TTL: variants seen among roughly 807,000 people sequenced by gnomAD.
The protein encoded by TTL is tubulin tyrosine ligase.
In TTL, 10 loss-of-function variants were observed where a neutral mutation model predicts 41.1. The observed-to-expected ratio is 0.24, with a 90% CI of 0.15 to 0.41. The LOEUF (loss-of-function observed/expected upper bound fraction) is 0.41, where lower values mean the gene tolerates loss of function less well. TTL is among the 10% of genes least tolerant of loss of function. The probability of loss-of-function intolerance (pLI) is 1.00; values close to 1 mark genes in which losing one functional copy is unlikely to be tolerated. For missense variants in TTL, 367 were observed against 460.4 expected, an observed-to-expected ratio of 0.80 and a Z score of 1.86; for synonymous variants, 175 against 175.5, an observed-to-expected ratio of 1.00 and a Z score of 0.02.
At chr2:112,512,265 A>ATT (rs752568110) in intron 5 of TTL, among the ~76,000 whole-genome samples, 2 of 123,656 alleles carry the variant, frequency 1.6e-5, no homozygotes, top group Non-Finnish European at 1.7e-5. Flanking sequence ...CTAATTTTGT[A>ATT]TTTTTTTTTT....
chr2:112,495,105 C>T (rs577105081), intron 3 of TTL, among the ~76,000 whole-genome samples: 4 of 152,320 alleles, frequency 2.6e-5, no homozygotes, highest in African/African-American at 9.6e-5. Flanking sequence ...TTGCTCTCTG[C>T]ACTGTAGACA....
intron 5 of TTL, among the ~76,000 whole-genome samples, chr2:112,510,598 T>C (rs1681896674): frequency 6.6e-6 from 1 of 151,802 alleles, no homozygotes; most frequent in African/African-American, 2.4e-5. Context: ...CAGCCTCCCG[T>C]GTAGCTGGGA....
In TTL at chr2:112,485,985, T is replaced by G. The variant is rs138231883; in HGVS notation, c.226T>G (p.Ser76Ala). The G allele has an allele frequency of 2.5e-6, 4 of 1,614,114 alleles. No homozygotes were observed. Among genetic ancestry groups the G allele is most frequent in the Non-Finnish European group, 3.4e-6 (4 of 1,180,044 alleles). The change falls in exon 2 of 7, where the codon TCT becomes GCT. Residue 76 changes from serine (S) to alanine (A), a missense_variant. Transcript: ENST00000233336. The part of the protein sequence containing the change: ...RGADKLCRKA[S>A]LVKLIKTSPE... ...TGCTGACAAACTGTGTCGCAAAGCT[T>G]CTTTAGTGAAGTAAGTGTTAAGACC...
At chr2:112,495,021 C>T (rs1681490507) in intron 3 of TTL, among the ~76,000 whole-genome samples, 1 of 152,204 alleles carries the variant, frequency 6.6e-6, no homozygotes, top group African/African-American at 2.4e-5. Flanking sequence ...GAATGAACTC[C>T]GGATTCCTAA....
intron 6 of TTL, among the ~76,000 whole-genome samples, chr2:112,524,645 T>C (rs1197387319): frequency 6.6e-5 from 10 of 152,126 alleles, no homozygotes; most frequent in Admixed American, 6.6e-4. Flanking sequence ...GGTTGTTTGA[T>C]TTTTTCTTGT....
At chr2:112,512,727 T>C (rs1361270433) in intron 5 of TTL, among the ~76,000 whole-genome samples, 2 of 152,200 alleles carry the variant, frequency 1.3e-5, no homozygotes, top group Non-Finnish European at 2.9e-5. Context: ...AATATGATAA[T>C]CATTGTCATT....
rs979940123 is a variant in TTL at position 112,541,728 on chromosome 2, G to C, written c.*12933G>C. 2.5e-5 allele frequency: 6 copies of C among 238,526 alleles called. No homozygotes were observed. The highest frequency in any genetic ancestry group is 5.0e-5 in the Non-Finnish European group (6 of 118,904). 14.8% of individuals were successfully genotyped at this position (238,526 alleles called of 1,614,324 possible). Reference sequence around the variant, plus strand: ...AGCTGTTAAACACAAACACAATAAAGTTGAAAAACCAGCAGGCATTCCCTG... The same window carrying C: ...AGCTGTTAAACACAAACACAATAAACTTGAAAAACCAGCAGGCATTCCCTG... On this transcript the variant is annotated 3_prime_UTR_variant, in exon 7 of 7. Coordinates refer to ENST00000233336, the MANE Select transcript of TTL (RefSeq NM_153712.5).
chr2:112,487,545 G>C (rs1681272950), intron 2 of TTL, among the ~76,000 whole-genome samples: 1 of 152,198 alleles, frequency 6.6e-6, no homozygotes, highest in African/African-American at 2.4e-5. Context: ...TGTATATTTT[G>C]CAGTTATAGT....
In TTL at chr2:112,539,846, A is replaced by G. The variant is rs557120930; in HGVS notation, c.*11051A>G. On this transcript the variant is annotated 3_prime_UTR_variant, in exon 7 of 7. Transcript: ENST00000233336. ...AGCAAGATTGCCAGACACAAGATCA[A>G]TATACAAAACTCAATGGTATTTCTA... 1 of 152,356 alleles carries G rather than the reference A, an allele frequency of 6.6e-6. No homozygotes were observed. Among genetic ancestry groups the G allele is most frequent in the South Asian group, 2.1e-4 (1 of 4,834 alleles). The allele number at this position is 152,356 out of a possible 1,614,324, so 9.4% of individuals were successfully genotyped here. A position where few individuals can be genotyped will look rare whatever the true frequency, so the allele number is the denominator to read the frequency against.
chr2:112,502,447 G>C (rs1434694500), intron 4 of TTL, among the ~76,000 whole-genome samples: 1 of 151,890 alleles, frequency 6.6e-6, no homozygotes, highest in Admixed American at 6.6e-5. Context: ...GACCAGCCTG[G>C]CTAACATGGT....
chr2:112,519,522 AGAAC>A (rs1371841240), intron 5 of TTL, among the ~76,000 whole-genome samples: 1 of 151,174 alleles, frequency 6.6e-6, no homozygotes, highest in African/African-American at 2.4e-5. Flanking sequence ...CATTGGAACT[AGAAC>A]TAGCGACATC....
chr2:112,482,390 G>A lies in TTL; in HGVS notation c.46G>A (p.Glu16Lys), dbSNP rs372551206. ...CGATGAGAACAGCAGCGTCTACGCC[G>A]AGGTCTCCCGGCTGCTCCTCGCCAC... ...VRDENSSVYA[E>K]VSRLLLATGH... Residue 16 changes from glutamate (E) to lysine (K), a missense_variant, in exon 1 of 7, where the codon GAG becomes AAG. Coordinates refer to ENST00000233336, the MANE Select transcript of TTL (RefSeq NM_153712.5). This position sits in a 1 kb window ranked among gnomAD's most constrained non-coding sequence, Gnocchi z 5.3. 4.4e-6 allele frequency: 7 copies of A among 1,596,752 alleles called. No individual in the cohort carries two copies. Among genetic ancestry groups the A allele is most frequent in the Middle Eastern group, 1.7e-4 (1 of 6,060 alleles).
chr2:112,520,216 C>A, intron 5 of TTL, 66 bp from the exon 6 acceptor site: 1 of 1,570,280 alleles, frequency 6.4e-7, no homozygotes, highest in Non-Finnish European at 8.7e-7. Flanking sequence ...CTTTCAAGCA[C>A]ACCTCATGTC....
In TTL at chr2:112,530,707, G is replaced by C. The variant is rs907235065; in HGVS notation, c.*1912G>C. 2.4e-5 allele frequency: 5 copies of C among 210,094 alleles called. No individual in the cohort carries two copies. The highest frequency in any genetic ancestry group is 4.8e-5 in the Non-Finnish European group (5 of 103,396). 13.0% of individuals were successfully genotyped at this position (210,094 alleles called of 1,614,324 possible). On this transcript the variant is annotated 3_prime_UTR_variant, in exon 7 of 7. Coordinates refer to ENST00000233336, the MANE Select transcript of TTL (RefSeq NM_153712.5). ...ACCCAAATTATAGAGACATTCACGA[G>C]TTTTCTAGCCCTCACAGTAACAGAG...
chr2:112,510,110 T>C (rs1189303852), intron 5 of TTL, among the ~76,000 whole-genome samples: 1 of 152,182 alleles, frequency 6.6e-6, no homozygotes, highest in African/African-American at 2.4e-5. Flanking sequence ...GAGGATATAA[T>C]TTACTCTTTT....
chr2:112,515,543 A>G (rs1682044481), intron 5 of TTL, among the ~76,000 whole-genome samples: 1 of 152,216 alleles, frequency 6.6e-6, no homozygotes, highest in African/African-American at 2.4e-5. Context: ...CACAAAGTGT[A>G]CAGTCTGGTG....
chr2:112,530,036 C>G lies in TTL; in HGVS notation c.*1241C>G. The G allele has an allele frequency of 4.3e-6, 1 of 230,042 alleles. No homozygotes were observed. The allele number at this position is 230,042 out of a possible 1,614,324, so 14.3% of individuals were successfully genotyped here. ...AGATGTCATTTGTGTTCAGTGTAAG[C>G]TGAGTAAACAGGCCCTTCCTAGAGT... On this transcript the variant is annotated 3_prime_UTR_variant, in exon 7 of 7. Coordinates refer to ENST00000233336, the MANE Select transcript of TTL (RefSeq NM_153712.5).
intron 3 of TTL, among the ~76,000 whole-genome samples, chr2:112,499,924 A>T (rs1681645811): frequency 6.6e-6 from 1 of 152,232 alleles, no homozygotes; most frequent in Non-Finnish European, 1.5e-5. Context: ...AAAAACTTGT[A>T]TGCAAATCTT....
At chr2:112,519,387 A>G (rs920935012) in intron 5 of TTL, among the ~76,000 whole-genome samples, 4 of 152,116 alleles carry the variant, frequency 2.6e-5, no homozygotes, top group African/African-American at 4.8e-5. Context: ...TACACTTTCA[A>G]CTTTTTTATT....
Sources: allele counts gnomAD v4.1 joint callset (sites outside exome capture counted in the v4.1 genomes callset), GRCh38; gene constraint gnomAD v4.1.1; non-coding constraint Gnocchi (gnomAD v3.1); transcripts MANE v1.5; gene names NCBI Gene and HGNC (gene_info 2026-07-23, HGNC 2026-07-21).